DNER: variants seen among roughly 807,000 people sequenced by gnomAD.
The protein encoded by DNER is delta and Notch-like epidermal growth factor-related receptor.
DNER carries 33 observed loss-of-function variants against 78.2 expected under a neutral mutation model. The ratio of observed to expected loss-of-function variants is 0.42; its 90% CI spans 0.32 to 0.56. The LOEUF (loss-of-function observed/expected upper bound fraction) is 0.56. DNER is among the 20% of genes least tolerant of loss of function. DNER has a pLI of 0.11. For missense variants in DNER, 918 were observed against 975.3 expected, an observed-to-expected ratio of 0.94 and a Z score of 0.78; for synonymous variants, 417 against 384.8, an observed-to-expected ratio of 1.08 and a Z score of -0.98.
chr2:229,432,613 A>G (rs1236028166), intron 8 of DNER, among the ~76,000 whole-genome samples: 3 of 152,122 alleles, frequency 2.0e-5, no homozygotes, highest in African/African-American at 7.2e-5. Flanking sequence ...AGGTATCCGC[A>G]CTCATCACAC....
At chr2:229,627,171 G>GA (rs1698359899) in intron 1 of DNER, among the ~76,000 whole-genome samples, 1 of 152,178 alleles carries the variant, frequency 6.6e-6, no homozygotes, top group South Asian at 2.1e-4. Context: ...TCTAGTGCCA[G>GA]CCTCAGACAA....
At chr2:229,596,919 ACACATGCACACG>A (rs1389781639) in intron 1 of DNER, among the ~76,000 whole-genome samples, 10 of 152,264 alleles carry the variant, frequency 6.6e-5, no homozygotes, top group African/African-American at 2.2e-4. Flanking sequence ...GTGTATGCAC[ACACATGCACACG>A]CACATGCACA....
At chr2:229,695,660 C>T (rs1306037112) in intron 1 of DNER, among the ~76,000 whole-genome samples, 1 of 152,168 alleles carries the variant, frequency 6.6e-6, no homozygotes, top group African/African-American at 2.4e-5. Context: ...AATCAGTACT[C>T]AGAAATGACC....
intron 1 of DNER, among the ~76,000 whole-genome samples, chr2:229,602,017 T>A (rs1254822825): frequency 6.6e-6 from 1 of 152,116 alleles, no homozygotes; most frequent in Non-Finnish European, 1.5e-5. Context: ...TTTTCACTTT[T>A]AATCATTCAA....
At position 229,442,807 on chromosome 2, in the gene DNER, C is replaced by T. The variant is rs571336509; in HGVS notation, c.1486+4509G>A. Among the ~76,000 whole-genome samples the T allele has an allele frequency of 7.2e-5, 11 of 152,016 alleles. No individual in the cohort carries two copies. The East Asian group carries it at 1.4e-3, about 19-fold the overall frequency. ...AAGGAGCAGTGTCAACTGTGTCTTT[C>T]GGGACATACAGACCAGAAATGCAGC... On this transcript the variant is annotated intron_variant, in intron 8 of 12. Transcript: ENST00000341772.
intron 1 of DNER, among the ~76,000 whole-genome samples, chr2:229,665,968 C>T (rs748246564): frequency 1.1e-4 from 17 of 152,208 alleles, no homozygotes; most frequent in Admixed American, 2.6e-4. Flanking sequence ...CTACATCATA[C>T]TTGCATCTTA....
chr2:229,476,357 C>A (rs1458067627), intron 7 of DNER, among the ~76,000 whole-genome samples: 4 of 152,160 alleles, frequency 2.6e-5, no homozygotes, highest in Admixed American at 2.6e-4. Flanking sequence ...CCGCCCTCCC[C>A]CTGCCTCTCA....
intron 1 of DNER, among the ~76,000 whole-genome samples, chr2:229,708,912 A>C (rs1699868432): frequency 6.6e-6 from 1 of 152,212 alleles, no homozygotes. Context: ...AATTTCGACA[A>C]GTTTTTGTTC....
chr2:229,557,665 A>G (rs538847937), intron 4 of DNER, among the ~76,000 whole-genome samples: 2 of 152,216 alleles, frequency 1.3e-5, no homozygotes, highest in East Asian at 3.9e-4. Context: ...AGAGTAAAAG[A>G]GGAAGAAAGA....
intron 1 of DNER, among the ~76,000 whole-genome samples, chr2:229,658,614 T>C (rs879666495): frequency 1.3e-5 from 2 of 152,220 alleles, no homozygotes; most frequent in Non-Finnish European, 2.9e-5. Flanking sequence ...TTAAGGGTAC[T>C]TGGGGAGGGA....
chr2:229,658,759 C>A (rs1698954898), intron 1 of DNER, among the ~76,000 whole-genome samples: 1 of 152,160 alleles, frequency 6.6e-6, no homozygotes, highest in Non-Finnish European at 1.5e-5. Flanking sequence ...TGCCTTGATG[C>A]CCTATTCTTC....
At chr2:229,606,577 C>T (rs1450538431) in intron 1 of DNER, among the ~76,000 whole-genome samples, 1 of 152,110 alleles carries the variant, frequency 6.6e-6, no homozygotes, top group Non-Finnish European at 1.5e-5. Flanking sequence ...TGTGGACATC[C>T]TAAACCAAAA....
intron 6 of DNER, among the ~76,000 whole-genome samples, chr2:229,482,549 C>A (rs1040337313): frequency 1.3e-5 from 2 of 152,188 alleles, no homozygotes; most frequent in African/African-American, 4.8e-5. Flanking sequence ...CACTCTATTC[C>A]GAATCTCGCC....
At chr2:229,531,572 G>C (rs1030354120) in intron 5 of DNER, among the ~76,000 whole-genome samples, 4 of 152,178 alleles carry the variant, frequency 2.6e-5, no homozygotes, top group Non-Finnish European at 4.4e-5. Flanking sequence ...AATGCAAAAT[G>C]CTTCAGCCAC....
Position 229,672,975 on chromosome 2 carries a change from C to T in DNER, c.276+41173G>A, listed in dbSNP as rs182949888. Among the ~76,000 whole-genome samples, 498 of 152,294 alleles carry T rather than the reference C, an allele frequency of 3.3e-3. 5 individuals carry two copies. Among genetic ancestry groups the T allele is most frequent in the African/African-American group, 0.011 (453 of 41,576 alleles). ...CCAATGACCACTGTCGTTTTGAGAG[C>T]CGCCCTGTGCACTGCTCTCAGGAAG... On this transcript the variant is annotated intron_variant, in intron 1 of 12. Coordinates refer to ENST00000341772, the MANE Select transcript of DNER (RefSeq NM_139072.4).
At chr2:229,407,406 TG>T (rs1357496045) in intron 9 of DNER, 61 bp from the exon 10 acceptor site, 47 of 1,495,660 alleles carry the variant, frequency 3.1e-5, no homozygotes, top group Non-Finnish European at 4.3e-5. Context: ...CCATGGCCTC[TG>T]AAAGCAAAGT....
At chr2:229,522,705 A>T (rs1370707523) in intron 5 of DNER, among the ~76,000 whole-genome samples, 1 of 152,244 alleles carries the variant, frequency 6.6e-6, no homozygotes, top group East Asian at 1.9e-4. Flanking sequence ...CCTGCCCAGC[A>T]TCTTCAAGTT....
At chr2:229,373,751 T>C (rs1047483747) in intron 11 of DNER, among the ~76,000 whole-genome samples, 3 of 152,188 alleles carry the variant, frequency 2.0e-5, no homozygotes, top group African/African-American at 7.2e-5. Context: ...TGGAATACCA[T>C]GCAGCCATAA....
chr2:229,576,802 A>C (rs1298231433), intron 4 of DNER, among the ~76,000 whole-genome samples: 1 of 151,328 alleles, frequency 6.6e-6, no homozygotes, highest in Non-Finnish European at 1.5e-5. Context: ...CGCCAGCTAC[A>C]CGGAGAAGAA....
Sources: allele counts gnomAD v4.1 joint callset (sites outside exome capture counted in the v4.1 genomes callset), GRCh38; gene constraint gnomAD v4.1.1; transcripts MANE v1.5; gene names NCBI Gene and HGNC (gene_info 2026-07-23, HGNC 2026-07-21).